The following ERBB4 variants were observed in gnomAD, a reference collection of about 807,000 sequenced individuals.
The protein encoded by ERBB4 is erb-b2 receptor tyrosine kinase 4.
ERBB4 carries 42 observed loss-of-function variants against 158.0 expected under a neutral mutation model. The ratio of observed to expected loss-of-function variants is 0.27; its 90% CI spans 0.21 to 0.34. The LOEUF (loss-of-function observed/expected upper bound fraction) is 0.34, where lower values mean the gene tolerates loss of function less well. Among genes scored for constraint, ERBB4 ranks in the 10% least tolerant of loss-of-function variants. ERBB4 has a pLI of 1.00. For missense variants in ERBB4, 1,333 were observed against 1,624.1 expected, an observed-to-expected ratio of 0.82 and a Z score of 3.08; for synonymous variants, 583 against 558.7, an observed-to-expected ratio of 1.04 and a Z score of -0.61.
intron 3 of ERBB4, among the ~76,000 whole-genome samples, chr2:211,846,173 T>A (rs978639469): frequency 2.0e-5 from 3 of 152,078 alleles, no homozygotes; most frequent in Admixed American, 6.6e-5. Flanking sequence ...CTGTAACAGA[T>A]GAGATTAATG....
intron 1 of ERBB4, among the ~76,000 whole-genome samples, chr2:212,194,590 G>A (rs1220228042): frequency 1.3e-5 from 2 of 151,898 alleles, no homozygotes; most frequent in South Asian, 2.1e-4. Flanking sequence ...GCTTAATAAT[G>A]CACTAACCTA....
intron 1 of ERBB4, among the ~76,000 whole-genome samples, chr2:212,246,684 AT>A (rs2084322320): frequency 6.6e-6 from 1 of 152,168 alleles, no homozygotes; most frequent in South Asian, 2.1e-4. Flanking sequence ...AGAAAGTAAT[AT>A]TCCAGCTCTG....
At chr2:212,175,720 T>C (rs1212316328) in intron 1 of ERBB4, among the ~76,000 whole-genome samples, 2 of 151,802 alleles carry the variant, frequency 1.3e-5, no homozygotes, top group African/African-American at 4.8e-5. Context: ...TGAAATTAAA[T>C]ATTTTACCTC....
Position 212,259,623 on chromosome 2 carries a change from A to G in ERBB4, c.83-134720T>C, listed in dbSNP as rs576343047. ...ATTTAATAAGTTCCAATTTCTAAAA[A>G]TCACACAAAAATAAAGGCAACGAAT... is the stretch of plus-strand genomic sequence containing the variant. On this transcript the variant is annotated intron_variant, in intron 1 of 27. Coordinates refer to ENST00000342788, the MANE Select transcript of ERBB4 (RefSeq NM_005235.3). Among the ~76,000 whole-genome samples the G allele has an allele frequency of 2.0e-5, 3 of 152,336 alleles. No homozygotes were observed. The South Asian group carries it at 6.2e-4, about 32-fold the overall frequency.
rs1465901717 is a variant in ERBB4 at position 211,883,596 on chromosome 2, G to A, written c.421+63834C>T. ...AGTTCTAGACCAGCCTGGCCAACAC[G>A]GTTGGTGAAAGAAACCCTGTCTCCA... On this transcript the variant is annotated intron_variant, in intron 3 of 27. Transcript: ENST00000342788. Among the ~76,000 whole-genome samples the A allele has an allele frequency of 5.3e-5, 8 of 151,998 alleles. No homozygotes were observed. In the East Asian group the frequency reaches 1.4e-3, roughly 26 times the overall value.
intron 2 of ERBB4, among the ~76,000 whole-genome samples, chr2:211,976,117 A>G (rs532443922): frequency 6.6e-6 from 1 of 152,288 alleles, no homozygotes. Context: ...AAGTTAACTC[A>G]TGGGAGGTTT....
chr2:211,502,548 G>A (rs1394017870), intron 20 of ERBB4, among the ~76,000 whole-genome samples: 1 of 152,126 alleles, frequency 6.6e-6, no homozygotes, highest in African/African-American at 2.4e-5. Flanking sequence ...CCATGAACAT[G>A]AGTGTGCTAC....
At chr2:211,784,696 C>T (rs2076114917) in intron 4 of ERBB4, among the ~76,000 whole-genome samples, 2 of 151,970 alleles carry the variant, frequency 1.3e-5, no homozygotes, top group Non-Finnish European at 2.9e-5. Flanking sequence ...CCATAGTGGT[C>T]ACACCATTTT....
At chr2:211,455,116 C>A (rs1391276877) in intron 20 of ERBB4, among the ~76,000 whole-genome samples, 1 of 152,198 alleles carries the variant, frequency 6.6e-6, no homozygotes, top group East Asian at 1.9e-4. Context: ...CAATAAAATT[C>A]ATTAGCACAG....
intron 1 of ERBB4, among the ~76,000 whole-genome samples, chr2:212,358,193 G>A (rs2089539381): frequency 6.6e-6 from 1 of 151,744 alleles, no homozygotes; most frequent in Admixed American, 6.6e-5. Context: ...CTTTCCTGAA[G>A]GAGAATTCAT....
At chr2:212,493,287 T>C (rs995232709) in intron 1 of ERBB4, among the ~76,000 whole-genome samples, 1 of 151,428 alleles carries the variant, frequency 6.6e-6, no homozygotes, top group Non-Finnish European at 1.5e-5. Context: ...CTTCCACTAA[T>C]TAAAAATCAT....
intron 3 of ERBB4, among the ~76,000 whole-genome samples, chr2:211,931,371 C>A (rs1260865769): frequency 6.6e-6 from 1 of 151,898 alleles, no homozygotes; most frequent in African/African-American, 2.4e-5. Flanking sequence ...AACAATCAAA[C>A]CCTAATAGAG....
chr2:211,743,231 G>A (rs2106188543), intron 5 of ERBB4, among the ~76,000 whole-genome samples: 1 of 152,270 alleles, frequency 6.6e-6, no homozygotes, highest in South Asian at 2.1e-4. Context: ...AGTGTATTGA[G>A]TGGTTATCAG....
rs57089308 is a variant in ERBB4 at position 211,696,701 on chromosome 2, T to C, written c.1489+5266A>G. On this transcript the variant is annotated intron_variant, in intron 12 of 27. Transcript: ENST00000342788. ...TATATATTTTTTGAGAAGGAATCACTCTCTGTTGCCCAGGCTGGAGTACAG... is the reference window on the plus strand; with the variant it reads ...TATATATTTTTTGAGAAGGAATCACCCTCTGTTGCCCAGGCTGGAGTACAG... Among the ~76,000 whole-genome samples the C allele has an allele frequency of 3.7e-4, 56 of 151,782 alleles. 1 individual carries two copies. The highest frequency in any genetic ancestry group is 6.6e-4 in the Non-Finnish European group (45 of 67,946).
intron 19 of ERBB4, among the ~76,000 whole-genome samples, chr2:211,565,778 A>T (rs1478434655): frequency 6.6e-6 from 1 of 152,166 alleles, no homozygotes; most frequent in Non-Finnish European, 1.5e-5. Flanking sequence ...AAAAGGGGGC[A>T]GCATGGGAAC....
chr2:211,563,612 A>G (rs2125726578), intron 19 of ERBB4, among the ~76,000 whole-genome samples: 1 of 152,328 alleles, frequency 6.6e-6, no homozygotes, highest in South Asian at 2.1e-4. Flanking sequence ...GGGACTATAT[A>G]TCATGTACTA....
chr2:211,823,545 C>A (rs971481790), intron 3 of ERBB4, among the ~76,000 whole-genome samples: 4 of 151,966 alleles, frequency 2.6e-5, no homozygotes, highest in East Asian at 1.9e-4. Flanking sequence ...TCATTCCTAG[C>A]AGAATTCACT....
chr2:212,124,202 A>G (rs758410191), intron 2 of ERBB4, among the ~76,000 whole-genome samples: 14 of 152,218 alleles, frequency 9.2e-5, no homozygotes, highest in Non-Finnish European at 1.8e-4. Flanking sequence ...GTATACATAT[A>G]CACATTTGTG....
intron 20 of ERBB4, among the ~76,000 whole-genome samples, chr2:211,557,539 A>C (rs1235439683): frequency 1.3e-5 from 2 of 152,212 alleles, no homozygotes; most frequent in African/African-American, 4.8e-5. Flanking sequence ...ATCATTAGAG[A>C]AATGCAAATC....
Sources: gnomAD v4.1 joint callset for allele counts (sites outside exome capture counted in the v4.1 genomes callset) on GRCh38, gnomAD v4.1.1 for gene constraint, MANE v1.5 for transcripts, NCBI Gene and HGNC (gene_info 2026-07-23, HGNC 2026-07-21) for gene names.